Variants in NTM observed in about 807,000 individuals in gnomAD.
NTM encodes the protein neurotrimin.
Under a neutral mutation model 42.1 loss-of-function variants are expected in NTM, and 13 were observed. The observed-to-expected ratio is 0.31, with a 90% CI of 0.20 to 0.49. The LOEUF is 0.49. NTM is among the 20% of genes least tolerant of loss of function. The pLI is 0.99. For synonymous variants in NTM, 187 were observed against 179.2 expected (o/e 1.04, Z -0.35); for missense variants, 373 against 452.8 (o/e 0.82, Z 1.60).
At position 132,335,770 on chromosome 11, in the gene NTM, A is replaced by AAC; in HGVS notation, c.*624_*625insAC. ...TCATTTTACTACATGAACATCATGGATAACAAGGGATTCTGATTCATTATT... is the reference window on the plus strand; with the variant it reads ...TCATTTTACTACATGAACATCATGGAACTAACAAGGGATTCTGATTCATTATT... On this transcript the variant is annotated 3_prime_UTR_variant, in exon 9 of 9. Coordinates refer to ENST00000683400, the MANE Select transcript of NTM (RefSeq NM_001352005.2). The AAC allele has an allele frequency of 6.6e-6, 1 of 152,534 alleles. No homozygotes were observed. Among genetic ancestry groups the AAC allele is most frequent in the African/African-American group, 2.4e-5 (1 of 41,466 alleles). The allele number at this position is 152,534 out of a possible 1,614,324, so 9.4% of individuals were successfully genotyped here.
chr11:132,317,475 G>GT (rs927955108), intron 7 of NTM, among the ~76,000 whole-genome samples: 18 of 151,982 alleles, frequency 1.2e-4, no homozygotes, highest in African/African-American at 4.3e-4. Context: ...GCATGTCAGC[G>GT]TTTCTCTTGC....
At chr11:131,856,352 A>G (rs778532916) in intron 1 of NTM, among the ~76,000 whole-genome samples, 3 of 142,350 alleles carry the variant, frequency 2.1e-5, no homozygotes, top group Non-Finnish European at 4.4e-5. Flanking sequence ...AGATCATCTA[A>G]TCTAAGAGTC....
intron 1 of NTM, among the ~76,000 whole-genome samples, chr11:131,374,616 A>T (rs1391492757): frequency 2.0e-5 from 3 of 151,968 alleles, no homozygotes. Flanking sequence ...GCCTGAGGTG[A>T]TAGGGTCTAG....
intron 2 of NTM, among the ~76,000 whole-genome samples, chr11:131,921,619 A>G (rs1205046155): frequency 6.6e-6 from 1 of 152,188 alleles, no homozygotes; most frequent in Non-Finnish European, 1.5e-5. Context: ...TTGTTAAATA[A>G]TAGTAACAAT....
chr11:131,985,234 A>T (rs2065882882), intron 2 of NTM, among the ~76,000 whole-genome samples: 1 of 152,190 alleles, frequency 6.6e-6, no homozygotes, highest in African/African-American at 2.4e-5. Flanking sequence ...TTGTCATAGA[A>T]GTTATCACAA....
Position 132,003,307 on chromosome 11 carries a change from G to A in NTM, c.167+91659G>A, listed in dbSNP as rs73031556. On this transcript the variant is annotated intron_variant, in intron 2 of 8. Coordinates refer to ENST00000683400, the MANE Select transcript of NTM (RefSeq NM_001352005.2). This position sits in a 1 kb window ranked among gnomAD's most constrained non-coding sequence, Gnocchi z 6.0. ...GTTGCCCAGGTTGGAGTGCAGTGAC[G>A]CAATCACAGCTTACTGCAGCCTCAA... Among the ~76,000 whole-genome samples, 1,152 of 150,836 alleles carry A rather than the reference G, an allele frequency of 7.6e-3. 9 individuals carry two copies. The highest frequency in any genetic ancestry group is 0.012 in the Non-Finnish European group (787 of 67,836).
At chr11:131,948,744 C>T (rs961215221) in intron 2 of NTM, among the ~76,000 whole-genome samples, 3 of 152,272 alleles carry the variant, frequency 2.0e-5, no homozygotes, top group African/African-American at 7.2e-5. Flanking sequence ...TAAAATGGCC[C>T]CACCGCCCCA....
At chr11:132,237,833 G>A (rs999106352) in intron 4 of NTM, among the ~76,000 whole-genome samples, 1 of 152,190 alleles carries the variant, frequency 6.6e-6, no homozygotes, top group South Asian at 2.1e-4. Flanking sequence ...CCTCGGCTCC[G>A]AGGAAATTCG....
Position 131,795,425 on chromosome 11 carries a change from A to T in NTM, c.83-116139A>T, listed in dbSNP as rs900841234. The T allele has an allele frequency of 4.1e-6, 4 of 985,280 alleles. No homozygotes were observed. The African/African-American group carries it at 7.0e-5, about 17-fold the overall frequency. 61.0% of individuals were successfully genotyped at this position (985,280 alleles called of 1,614,324 possible). ...ATATTTTAGGACTGTCCTTAAATAC[A>T]CTATTGGTATAAAGTCAAATGCTTG... On this transcript the variant is annotated intron_variant, in intron 1 of 8. Coordinates refer to ENST00000683400, the MANE Select transcript of NTM (RefSeq NM_001352005.2).
intron 8 of NTM, among the ~76,000 whole-genome samples, chr11:132,331,400 A>ATAGT (rs1463673597): frequency 1.3e-5 from 2 of 152,226 alleles, no homozygotes; most frequent in East Asian, 1.9e-4. Context: ...TGTATTGGAT[A>ATAGT]TAGTTAGAAA....
chr11:132,317,683 G>A (rs1236879692), intron 7 of NTM: 5 of 1,303,498 alleles, frequency 3.8e-6, no homozygotes, highest in Non-Finnish European at 5.1e-6. Flanking sequence ...GCTCAACTTT[G>A]TTGCAAGGTC....
intron 3 of NTM, among the ~76,000 whole-genome samples, chr11:132,169,486 C>A (rs1266297713): frequency 6.6e-6 from 1 of 151,296 alleles, no homozygotes; most frequent in Non-Finnish European, 1.5e-5. Context: ...CAGGTGCCCA[C>A]CTCCACGCCT....
At chr11:131,697,314 G>T (rs1005310565) in intron 1 of NTM, among the ~76,000 whole-genome samples, 9 of 152,232 alleles carry the variant, frequency 5.9e-5, no homozygotes, top group Non-Finnish European at 1.0e-4. Flanking sequence ...TGCCATAAGT[G>T]TGGGGCAATT....
At chr11:132,138,172 G>T (rs2068318705) in intron 2 of NTM, among the ~76,000 whole-genome samples, 1 of 152,054 alleles carries the variant, frequency 6.6e-6, no homozygotes, top group Non-Finnish European at 1.5e-5. Flanking sequence ...CATGTGTGAG[G>T]GTTCTTGGAG....
chr11:131,787,341 T>C (rs1036422939), intron 1 of NTM, among the ~76,000 whole-genome samples: 2 of 135,840 alleles, frequency 1.5e-5, no homozygotes, highest in Non-Finnish European at 3.2e-5. Flanking sequence ...ATTTTAATAT[T>C]AACATAATAC....
chr11:132,074,785 A>G (rs1307722994), intron 2 of NTM, among the ~76,000 whole-genome samples: 1 of 152,214 alleles, frequency 6.6e-6, no homozygotes, highest in African/African-American at 2.4e-5. Flanking sequence ...CTGGTGTTGT[A>G]TACCACTGTA....
At chr11:131,910,686 G>A (rs1459183998) in intron 1 of NTM, 1 of 278,736 alleles carries the variant, frequency 3.6e-6, no homozygotes. Context: ...GCGCGGCTCC[G>A]GTGCGGGCTG....
intron 5 of NTM, among the ~76,000 whole-genome samples, chr11:132,308,533 C>T (rs1013620846): frequency 6.6e-6 from 1 of 152,064 alleles, no homozygotes; most frequent in Non-Finnish European, 1.5e-5. Context: ...CTTGCCTTAG[C>T]TCCCTACAAC....
intron 2 of NTM, among the ~76,000 whole-genome samples, chr11:131,993,933 G>A (rs1366872452): frequency 6.6e-6 from 1 of 151,138 alleles, no homozygotes; most frequent in African/African-American, 2.4e-5. Context: ...AACCTGGAAG[G>A]CAGAGGTTGC....
Sources: gnomAD v4.1 joint callset for allele counts (sites outside exome capture counted in the v4.1 genomes callset) on GRCh38, gnomAD v4.1.1 for gene constraint, Gnocchi (gnomAD v3.1) non-coding constraint, MANE v1.5 for transcripts, NCBI Gene and HGNC (gene_info 2026-07-23, HGNC 2026-07-21) for gene names.